GALNT13: variants seen among roughly 807,000 people sequenced by gnomAD.
GALNT13 encodes UDP-GalNAc:polypeptide N-acetylgalactosaminyltransferase 13.
Under a neutral mutation model 64.2 loss-of-function variants are expected in GALNT13, and 28 were observed. The ratio of observed to expected loss-of-function variants is 0.44; its 90% CI spans 0.32 to 0.60. The LOEUF (loss-of-function observed/expected upper bound fraction) is 0.60. Among genes scored for constraint, GALNT13 ranks in the 20% least tolerant of loss-of-function variants. GALNT13 has a pLI of 0.05. For missense variants in GALNT13, 577 were observed against 669.8 expected (o/e 0.86, Z 1.53); for synonymous variants, 214 against 224.6 (o/e 0.95, Z 0.42).
At chr2:153,327,539 A>C in the GALNT13 span, among the ~76,000 whole-genome samples, 1 of 151,780 alleles carries the variant, frequency 6.6e-6, no homozygotes, top group African/African-American at 2.4e-5. Context: ...TATTTCATAA[A>C]GTTGATCTTC....
intron 3 of GALNT13, among the ~76,000 whole-genome samples, chr2:154,133,931 C>T (rs1682795644): frequency 6.6e-6 from 1 of 152,090 alleles, no homozygotes; most frequent in Non-Finnish European, 1.5e-5. Flanking sequence ...AAATGGCTCT[C>T]TTCCAAGCAG....
At chr2:153,709,648 C>A in the GALNT13 span, among the ~76,000 whole-genome samples, 1 of 151,756 alleles carries the variant, frequency 6.6e-6, no homozygotes, top group African/African-American at 2.4e-5. Context: ...GGGTATTTAC[C>A]CAAAAGATTT....
the GALNT13 span, among the ~76,000 whole-genome samples, chr2:153,747,391 T>C: frequency 6.6e-5 from 10 of 151,380 alleles, no homozygotes; most frequent in Non-Finnish European, 1.2e-4. Flanking sequence ...GTAATCATTT[T>C]TCTATTCTCA....
rs144581200 is a variant in GALNT13, at chr2:154,275,589, C to T, written c.975+16451C>T. 3.8e-3 allele frequency among the ~76,000 whole-genome samples: 580 copies of T among 152,286 alleles called. 3 individuals carry two copies. Among genetic ancestry groups the T allele is most frequent in the Middle Eastern group, 0.024 (7 of 294 alleles). On this transcript the variant is annotated intron_variant, in intron 8 of 12. Transcript: ENST00000392825. ...GGTTTCAGAGGATGTGTGGAAATGC[C>T]TAGATGTCCAGGCAGAGGTATGCTG...
intron 2 of GALNT13, among the ~76,000 whole-genome samples, chr2:153,915,850 C>G (rs938259885): frequency 6.6e-6 from 1 of 152,060 alleles, no homozygotes; most frequent in African/African-American, 2.4e-5. Flanking sequence ...AGGTGATTTA[C>G]CCCTCATCAA....
chr2:154,333,200 G>A (rs913375989), intron 9 of GALNT13, among the ~76,000 whole-genome samples: 2 of 151,882 alleles, frequency 1.3e-5, no homozygotes, highest in African/African-American at 4.8e-5. Flanking sequence ...ACACCTAGAG[G>A]TTAGAAAATA....
intron 4 of GALNT13, among the ~76,000 whole-genome samples, chr2:154,179,527 G>A (rs1685841787): frequency 1.3e-5 from 2 of 152,032 alleles, no homozygotes; most frequent in African/African-American, 4.8e-5. Context: ...GAAGTGTGAG[G>A]CAAAACTGTC....
At chr2:154,286,151 C>CT (rs1371196864) in intron 8 of GALNT13, among the ~76,000 whole-genome samples, 1 of 152,116 alleles carries the variant, frequency 6.6e-6, no homozygotes, top group African/African-American at 2.4e-5. Context: ...TTCACTTCTT[C>CT]TTTTCATATA....
At chr2:154,016,759 G>A (rs750445446) in intron 3 of GALNT13, among the ~76,000 whole-genome samples, 6 of 152,204 alleles carry the variant, frequency 3.9e-5, no homozygotes, top group Admixed American at 1.3e-4. Context: ...ATGATTTGAG[G>A]ATTTATATAA....
intron 3 of GALNT13, among the ~76,000 whole-genome samples, chr2:154,079,052 A>C (rs1044328336): frequency 6.6e-6 from 1 of 151,658 alleles, no homozygotes; most frequent in Non-Finnish European, 1.5e-5. Flanking sequence ...AATGATTACA[A>C]CTCATAACTG....
the GALNT13 span, among the ~76,000 whole-genome samples, chr2:153,635,398 G>A: frequency 1.7e-5 from 2 of 120,774 alleles, no homozygotes; most frequent in Admixed American, 8.4e-5. Flanking sequence ...CAGTAAATAT[G>A]TATATATATA....
At chr2:153,322,269 T>C in the GALNT13 span, among the ~76,000 whole-genome samples, 14 of 152,130 alleles carry the variant, frequency 9.2e-5, no homozygotes, top group Non-Finnish European at 1.9e-4. Flanking sequence ...AAGTATTTGG[T>C]TTTCTGTTTC....
chr2:153,456,459 T>C, the GALNT13 span, among the ~76,000 whole-genome samples: 2 of 152,154 alleles, frequency 1.3e-5, no homozygotes, highest in Non-Finnish European at 1.5e-5. Context: ...GGCTGAGCAT[T>C]GATAAAGCCT....
intron 3 of GALNT13, among the ~76,000 whole-genome samples, chr2:154,124,425 A>G (rs995630556): frequency 1.2e-4 from 19 of 152,084 alleles, no homozygotes; most frequent in African/African-American, 4.6e-4. Context: ...AGATCTGCGT[A>G]CAACAAATAA....
At position 154,091,174 on chromosome 2, in the gene GALNT13, G is replaced by C. The variant is rs138915559; in HGVS notation, c.143-49163G>C. ...TGATGAAGGCTCTTACAATATTCTT[G>C]TTGAGAAGATCTCCATTTGGGAGTG... On this transcript the variant is annotated intron_variant, in intron 3 of 12. Coordinates refer to ENST00000392825, the MANE Select transcript of GALNT13 (RefSeq NM_052917.4). Among the ~76,000 whole-genome samples the C allele has an allele frequency of 5.3e-3, 813 of 152,098 alleles. 1 individual carries two copies. Among genetic ancestry groups the C allele is most frequent in the Admixed American group, 9.3e-3 (142 of 15,250 alleles).
At chr2:153,976,092 T>G (rs532368089) in intron 3 of GALNT13, among the ~76,000 whole-genome samples, 1 of 152,278 alleles carries the variant, frequency 6.6e-6, no homozygotes, top group East Asian at 1.9e-4. Context: ...ATGACAGCTC[T>G]TATCTTGTTA....
At chr2:153,293,322 G>A in the GALNT13 span, among the ~76,000 whole-genome samples, 1 of 152,194 alleles carries the variant, frequency 6.6e-6, no homozygotes, top group African/African-American at 2.4e-5. Flanking sequence ...TTGGCTCAAG[G>A]TAATCACAAG....
intron 4 of GALNT13, among the ~76,000 whole-genome samples, chr2:154,209,018 G>A (rs1478412481): frequency 2.6e-5 from 4 of 151,842 alleles, no homozygotes; most frequent in Admixed American, 2.0e-4. Context: ...TATAAACATT[G>A]AAGACATCCC....
chr2:153,884,130 CT>C (rs1388561692), intron 1 of GALNT13, among the ~76,000 whole-genome samples: 1 of 151,878 alleles, frequency 6.6e-6, no homozygotes, highest in Admixed American at 6.6e-5. Context: ...TGATATAGTC[CT>C]TAAAATTACA....
Sources: gnomAD v4.1 joint callset for allele counts (sites outside exome capture counted in the v4.1 genomes callset) on GRCh38, gnomAD v4.1.1 for gene constraint, MANE v1.5 for transcripts, NCBI Gene and HGNC (gene_info 2026-07-23, HGNC 2026-07-21) for gene names.